TUBGCP2: variants seen among roughly 807,000 people sequenced by gnomAD.
TUBGCP2 encodes gamma-tubulin complex component 2.
A neutral mutation model predicts 92.2 loss-of-function variants in TUBGCP2; 55 were observed. The observed-to-expected ratio is 0.60, with a 90% CI of 0.48 to 0.75. The LOEUF (loss-of-function observed/expected upper bound fraction) is 0.75, where lower values mean the gene tolerates loss of function less well. Among genes scored for constraint, TUBGCP2 ranks in the 30% least tolerant of loss-of-function variants. TUBGCP2 has a pLI of 0.00. For synonymous variants in TUBGCP2, 533 were observed against 505.2 expected (o/e 1.06, Z -0.74); for missense variants, 1,093 against 1,188.9 (o/e 0.92, Z 1.19).
chr10:133,299,043 T>C (rs1454908068), intron 4 of TUBGCP2, among the ~76,000 whole-genome samples: 2 of 152,194 alleles, frequency 1.3e-5, no homozygotes, highest in Non-Finnish European at 2.9e-5. Flanking sequence ...TTACTGTATT[T>C]TCGAGAATCT....
chr10:133,301,624 C>T (rs1159144832), intron 2 of TUBGCP2: 1 of 149,368 alleles, frequency 6.7e-6, no homozygotes, highest in African/African-American at 2.5e-5. Flanking sequence ...AAAATCTATA[C>T]TTCTGAATTA....
chr10:133,283,518 G>A (rs1000767043), intron 14 of TUBGCP2, among the ~76,000 whole-genome samples: 1 of 152,256 alleles, frequency 6.6e-6, no homozygotes, highest in African/African-American at 2.4e-5. Flanking sequence ...CAATGTGGGA[G>A]AGACAACCTC....
At chr10:133,309,800 G>A, upstream of TUBGCP2, 1 of 1,613,354 alleles carries the variant, frequency 6.2e-7, no homozygotes, top group Non-Finnish European at 8.5e-7. Flanking sequence ...CCTGCCAGGT[G>A]GCCGGCTGCT....
At position 133,279,609 on chromosome 10, in the gene TUBGCP2, C is replaced by T. The variant is rs1171308792; in HGVS notation, c.*157G>A. 5 of 1,205,272 alleles carry T rather than the reference C, an allele frequency of 4.1e-6. No homozygotes were observed. In the East Asian group the frequency reaches 1.2e-4, roughly 30 times the overall value. 74.7% of individuals were successfully genotyped at this position (1,205,272 alleles called of 1,614,324 possible). A position where few individuals can be genotyped will look rare whatever the true frequency, so the allele number is the denominator to read the frequency against. Reference sequence around the variant, plus strand: ...CCTGGGCAGCTTCTATAAAACGAAACCCAGCGCCTTGAGAAACAAAGTGAG... The same window carrying T: ...CCTGGGCAGCTTCTATAAAACGAAATCCAGCGCCTTGAGAAACAAAGTGAG... On this transcript the variant is annotated 3_prime_UTR_variant, in exon 18 of 18. Coordinates refer to ENST00000252936, the MANE Select transcript of TUBGCP2 (RefSeq NM_006659.4).
At chr10:133,292,787 C>T (rs1847390322) in intron 7 of TUBGCP2, 99 bp from the exon 8 acceptor site, 1 of 1,403,310 alleles carries the variant, frequency 7.1e-7, no homozygotes, top group Non-Finnish European at 9.6e-7. Flanking sequence ...CAACCTTCTT[C>T]CTGGGACGGT....
chr10:133,307,157 C>T (rs528937847), intron 1 of TUBGCP2, among the ~76,000 whole-genome samples: 15 of 152,376 alleles, frequency 9.8e-5, no homozygotes, highest in African/African-American at 3.4e-4. Context: ...CTTGGAGGAA[C>T]GTCTAGCCAT....
intron 10 of TUBGCP2, 62 bp from the exon 11 acceptor site, chr10:133,288,371 C>T (rs1847186551): frequency 6.3e-7 from 1 of 1,576,220 alleles, no homozygotes. Flanking sequence ...AGCCAGGGAG[C>T]AGGCGTGAGC....
chr10:133,292,985 A>G, intron 7 of TUBGCP2, 54 bp downstream of exon 7: 3 of 1,584,944 alleles, frequency 1.9e-6, no homozygotes. Flanking sequence ...ACTGGGTGCC[A>G]TGTTCAACAC....
At chr10:133,302,501 G>A (rs1847693389) in intron 2 of TUBGCP2, 3 of 399,950 alleles carry the variant, frequency 7.5e-6, no homozygotes, top group South Asian at 2.7e-5. Context: ...CTGACCCAGG[G>A]GCGGTGCTCA....
At chr10:133,309,822 G>A (rs1351216523), upstream of TUBGCP2, 6 of 1,613,468 alleles carry the variant, frequency 3.7e-6, no homozygotes, top group Middle Eastern at 1.7e-4. Flanking sequence ...CCAGGTGTTC[G>A]ATGCCCTGGA....
upstream of TUBGCP2, chr10:133,309,364 C>T (rs527464895): frequency 1.9e-6 from 3 of 1,604,808 alleles, no homozygotes; most frequent in East Asian, 6.8e-5. Context: ...TCACCTGGCC[C>T]CGCCCACGGC....
intron 11 of TUBGCP2, among the ~76,000 whole-genome samples, chr10:133,287,903 G>A (rs573245035): frequency 5.1e-4 from 77 of 152,324 alleles, no homozygotes; most frequent in African/African-American, 1.6e-3. Context: ...AGCCAGGCCC[G>A]GACGAGGGCA....
intron 4 of TUBGCP2, 101 bp from the exon 5 acceptor site, chr10:133,298,212 T>C (rs1847536475): frequency 2.3e-6 from 3 of 1,308,700 alleles, no homozygotes; most frequent in African/African-American, 1.5e-5. Context: ...GCAAAGATGA[T>C]TACTCAATTC....
chr10:133,302,622 G>C, intron 2 of TUBGCP2, 170 bp downstream of exon 2: 1 of 739,782 alleles, frequency 1.4e-6, no homozygotes, highest in Non-Finnish European at 2.2e-6. Flanking sequence ...CCTGACCCAG[G>C]GGTGGGCTCA....
In TUBGCP2 at chr10:133,298,063, T is replaced by C; in HGVS notation, c.505A>G (p.Asn169Asp). Residue 169 changes from asparagine (N) to aspartate (D), a missense_variant, in exon 5 of 18, where the codon AAT (asparagine) becomes GAT (aspartate). Physicochemically the swap from Asn to Asp is conservative, Grantham distance 23. This residue lies in a region of TUBGCP2 where 490 missense variants were observed against 488.5 expected (regional missense o/e 1.00). Coordinates refer to ENST00000252936, the MANE Select transcript of TUBGCP2 (RefSeq NM_006659.4). ...AAGATGGGGAGGTGCTGGCCTGAAT[T>C]TTTTTTGTTCTGCTTGTCTCGAAGC... ...KMLRDKQNKK[N>D]SGQHLPIFPA... The C allele has an allele frequency of 1.2e-6, 2 of 1,614,166 alleles. No individual in the cohort carries two copies. Among genetic ancestry groups the C allele is most frequent in the Middle Eastern group, 1.7e-4 (1 of 6,032 alleles).
rs779527516 is a variant in TUBGCP2 at position 133,285,668 on chromosome 10, G to T, written c.1723-40C>A. The T allele has an allele frequency of 2.0e-6, 3 of 1,485,786 alleles. No homozygotes were observed. Among genetic ancestry groups the T allele is most frequent in the Non-Finnish European group, 2.7e-6 (3 of 1,119,216 alleles). 92.0% of individuals were successfully genotyped at this position (1,485,786 alleles called of 1,614,324 possible). On this transcript the variant is annotated intron_variant, in intron 11 of 17. Coordinates refer to ENST00000252936, the MANE Select transcript of TUBGCP2 (RefSeq NM_006659.4). This position sits in a 1 kb window ranked among gnomAD's most constrained non-coding sequence, Gnocchi z 6.8. ...AATGAAACAAAGCATCCAGTTTTAA[G>T]GAAAAGACCCGAAGTCGCATCCCGA...
chr10:133,299,100 TGGA>T (rs990121324), intron 4 of TUBGCP2, among the ~76,000 whole-genome samples: 29 of 152,112 alleles, frequency 1.9e-4, no homozygotes, highest in African/African-American at 5.5e-4. Flanking sequence ...TGTCAAAAAT[TGGA>T]GGAGGGAAAT....
In TUBGCP2 at chr10:133,293,103, C is replaced by T. The variant is rs140733403; in HGVS notation, c.960G>A (p.Ser320=). The change falls in exon 7 of 18, where the codon TCG becomes TCA. Residue 320 remains serine, a synonymous_variant. Transcript: ENST00000252936. The part of the protein sequence containing the change: ...LEQLHRQGLL[S]LQKLWFYIQP... Reference sequence around the variant, plus strand: ...GGATGTAGAACCAGAGCTTCTGCAGCGAAAGGAGGCCCTGCCTGTGCAGCT... The same window carrying T: ...GGATGTAGAACCAGAGCTTCTGCAGTGAAAGGAGGCCCTGCCTGTGCAGCT... The T allele has an allele frequency of 3.3e-5, 54 of 1,613,738 alleles. No homozygotes were observed. The highest frequency in any genetic ancestry group is 3.1e-4 in the African/African-American group (23 of 74,940).
intron 1 of TUBGCP2, among the ~76,000 whole-genome samples, chr10:133,305,844 C>G (rs1847803657): frequency 6.6e-6 from 1 of 152,228 alleles, no homozygotes; most frequent in South Asian, 2.1e-4. Context: ...AACTACAGTT[C>G]AAGCACAAGG....
Sources: gnomAD v4.1 joint callset for allele counts (sites outside exome capture counted in the v4.1 genomes callset) on GRCh38, gnomAD v4.1.1 for gene constraint, gnomAD v4.1.1 regional missense constraint, Gnocchi (gnomAD v3.1) non-coding constraint, MANE v1.5 for transcripts, NCBI Gene and HGNC (gene_info 2026-07-23, HGNC 2026-07-21) for gene names.